The following GTF2A1 variants were observed in gnomAD, a reference collection of about 807,000 sequenced individuals.
GTF2A1 encodes transcription initiation factor IIA subunit 1.
In GTF2A1, 12 loss-of-function variants were observed where a neutral mutation model predicts 54.1. That is an observed-to-expected ratio of 0.22 (90% CI 0.14 to 0.36). GTF2A1 has a LOEUF of 0.36. Ranked by LOEUF, GTF2A1 falls within the 10% of genes least tolerant of loss-of-function variation. The pLI is 1.00. For synonymous variants in GTF2A1, 145 were observed against 152.0 expected, an observed-to-expected ratio of 0.95 and a Z score of 0.34; for missense variants, 335 against 442.2, an observed-to-expected ratio of 0.76 and a Z score of 2.17.
intron 4 of GTF2A1, among the ~76,000 whole-genome samples, chr14:81,198,254 G>C (rs766155625): frequency 6.6e-6 from 1 of 152,174 alleles, no homozygotes; most frequent in Non-Finnish European, 1.5e-5. Flanking sequence ...AGACCAGCCT[G>C]GGCAATATGG....
chr14:81,188,882 T>A (rs1293735238), intron 7 of GTF2A1, among the ~76,000 whole-genome samples: 1 of 152,224 alleles, frequency 6.6e-6, no homozygotes. Context: ...CCTAATCCAC[T>A]TTAATTTTTG....
chr14:81,206,152 G>C (rs186416368), intron 2 of GTF2A1, among the ~76,000 whole-genome samples: 6 of 152,190 alleles, frequency 3.9e-5, no homozygotes, highest in African/African-American at 1.4e-4. Flanking sequence ...TCACTTCTAC[G>C]AAGCTCCTAT....
intron 4 of GTF2A1, among the ~76,000 whole-genome samples, chr14:81,198,411 T>C (rs1893035167): frequency 6.6e-6 from 1 of 152,166 alleles, no homozygotes; most frequent in Admixed American, 6.5e-5. Flanking sequence ...GCCACTGCAC[T>C]CCAGCCTGGG....
chr14:81,185,433 G>A (rs1452865887), intron 8 of GTF2A1, 98 bp downstream of exon 8: 3 of 673,132 alleles, frequency 4.5e-6, no homozygotes, highest in African/African-American at 3.6e-5. Context: ...TAAGAGGCAT[G>A]AATCAGCTGC....
At chr14:81,192,422 GTC>G (rs1395994426) in intron 7 of GTF2A1, 95 bp downstream of exon 7, 1 of 894,924 alleles carries the variant, frequency 1.1e-6, no homozygotes, top group African/African-American at 1.7e-5. Flanking sequence ...GCACCTAACA[GTC>G]TCTGAAAAAA....
At chr14:81,219,697 GTTAT>G (rs1893571753) in intron 1 of GTF2A1, among the ~76,000 whole-genome samples, 1 of 152,190 alleles carries the variant, frequency 6.6e-6, no homozygotes, top group African/African-American at 2.4e-5. Flanking sequence ...GACTGAAAAG[GTTAT>G]TTATGTGACT....
rs976474269 is a variant in GTF2A1, at chr14:81,178,069, GA to G, written c.*2153del. 2 of 151,960 alleles carry G rather than the reference GA, an allele frequency of 1.3e-5. No individual in the cohort carries two copies. The highest frequency in any genetic ancestry group is 2.9e-5 in the Non-Finnish European group (2 of 67,934). The allele number at this position is 151,960 out of a possible 1,614,324, so 9.4% of individuals were successfully genotyped here. ...CTGAAAGCAGTGGTTGTTAATATTT[GA>G]AAAATAAAGTTATAAAAACAGGCCA... is the stretch of plus-strand genomic sequence containing the variant. On this transcript the variant is annotated 3_prime_UTR_variant, in exon 9 of 9. Coordinates refer to ENST00000553612, the MANE Select transcript of GTF2A1 (RefSeq NM_015859.4).
intron 7 of GTF2A1, among the ~76,000 whole-genome samples, chr14:81,188,315 G>T (rs1892793394): frequency 1.3e-5 from 2 of 152,190 alleles, no homozygotes; most frequent in South Asian, 4.1e-4. Flanking sequence ...GGGAGGTCAA[G>T]ATGCTGAGGC....
intron 2 of GTF2A1, among the ~76,000 whole-genome samples, chr14:81,208,800 G>T (rs146170778): frequency 1.3e-5 from 2 of 152,174 alleles, no homozygotes; most frequent in African/African-American, 2.4e-5. Context: ...GAGTTTTAAC[G>T]TAAGACTGCC....
chr14:81,187,093 A>C (rs1016242029), intron 7 of GTF2A1, among the ~76,000 whole-genome samples: 1 of 152,120 alleles, frequency 6.6e-6, no homozygotes, highest in Non-Finnish European at 1.5e-5. Context: ...GGTGGCTCAC[A>C]CCTGTAATTC....
chr14:81,213,120 G>A (rs962333452), intron 2 of GTF2A1, among the ~76,000 whole-genome samples: 6 of 152,136 alleles, frequency 3.9e-5, no homozygotes, highest in African/African-American at 1.2e-4. Flanking sequence ...TTCAGGTGCC[G>A]TATCTATTAT....
intron 8 of GTF2A1, among the ~76,000 whole-genome samples, chr14:81,182,440 A>G (rs1413327019): frequency 1.3e-5 from 2 of 152,298 alleles, no homozygotes; most frequent in East Asian, 3.9e-4. Context: ...AAAAATCTCA[A>G]GAGTCATTCT....
chr14:81,198,011 G>GT (rs1482784783), intron 4 of GTF2A1, among the ~76,000 whole-genome samples: 10 of 152,182 alleles, frequency 6.6e-5, no homozygotes, highest in African/African-American at 2.4e-4. Flanking sequence ...AAAGAACACT[G>GT]TATCAGAAGA....
intron 8 of GTF2A1, among the ~76,000 whole-genome samples, chr14:81,184,395 C>A (rs888364672): frequency 1.3e-5 from 2 of 152,098 alleles, no homozygotes; most frequent in Non-Finnish European, 1.5e-5. Flanking sequence ...CAGGAAATTA[C>A]ATTTATTATA....
chr14:81,190,488 A>T (rs1892853025), intron 7 of GTF2A1, among the ~76,000 whole-genome samples: 1 of 152,174 alleles, frequency 6.6e-6, no homozygotes, highest in Non-Finnish European at 1.5e-5. Context: ...GGAGTACAAG[A>T]TTGGTTTACA....
intron 2 of GTF2A1, among the ~76,000 whole-genome samples, chr14:81,205,001 T>C (rs568179514): frequency 6.6e-6 from 1 of 152,238 alleles, no homozygotes. Flanking sequence ...GATCTACACA[T>C]ACTTTGTCTT....
chr14:81,198,385 A>G (rs759375601), intron 4 of GTF2A1, among the ~76,000 whole-genome samples: 2 of 152,220 alleles, frequency 1.3e-5, no homozygotes, highest in African/African-American at 2.4e-5. Flanking sequence ...TGGAGGTTGC[A>G]GTGAGCCGAG....
intron 4 of GTF2A1, 54 bp from the exon 5 acceptor site, chr14:81,197,538 C>T (rs1025585867): frequency 2.2e-6 from 2 of 928,886 alleles, no homozygotes; most frequent in African/African-American, 3.3e-5. Flanking sequence ...AATACTGTTT[C>T]TCTCTAGCAT....
At position 81,216,421 on chromosome 14, in the gene GTF2A1, G is replaced by A. The variant is rs1893489875; in HGVS notation, c.124C>T (p.Leu42=). ...DGVDEQVLME[L]KTLWENKLMQ... Reference sequence around the variant, plus strand: ...AAAAAAGACAAACTCACAGTTTTTAGTTCCATCAGTACTTGTTCATCCACT... The same window carrying A: ...AAAAAAGACAAACTCACAGTTTTTAATTCCATCAGTACTTGTTCATCCACT... Residue 42 remains leucine, a synonymous_variant, in exon 2 of 9, where the codon CTA becomes TTA. Transcript: ENST00000553612. 1.5e-6 allele frequency: 2 copies of A among 1,352,926 alleles called. No individual in the cohort carries two copies. The highest frequency in any genetic ancestry group is 1.1e-6 in the Non-Finnish European group (1 of 949,436). 83.8% of individuals were successfully genotyped at this position (1,352,926 alleles called of 1,614,324 possible).
Sources: allele counts gnomAD v4.1 joint callset (sites outside exome capture counted in the v4.1 genomes callset), GRCh38; gene constraint gnomAD v4.1.1; transcripts MANE v1.5; gene names NCBI Gene and HGNC (gene_info 2026-07-23, HGNC 2026-07-21).